Variants in RUFY2 observed in about 807,000 individuals in gnomAD.
RUFY2 encodes RUN and FYVE domain containing 2.
Under a neutral mutation model 94.4 loss-of-function variants are expected in RUFY2, and 49 were observed. The observed-to-expected ratio is 0.52, with a 90% CI of 0.41 to 0.66. RUFY2 has a LOEUF of 0.66. Ranked by LOEUF, RUFY2 falls within the 30% of genes least tolerant of loss-of-function variation. The pLI, the probability that RUFY2 is intolerant of heterozygous loss-of-function variation, is 0.00. For missense variants in RUFY2, 541 were observed against 692.8 expected (o/e 0.78, Z 2.46); for synonymous variants, 255 against 235.7 (o/e 1.08, Z -0.75).
intron 16 of RUFY2, among the ~76,000 whole-genome samples, chr10:68,347,684 A>G (rs2046382522): frequency 6.6e-6 from 1 of 152,166 alleles, no homozygotes; most frequent in African/African-American, 2.4e-5. Flanking sequence ...CAGTTTCACA[A>G]TGAGAAGACC....
chr10:68,376,711 A>AT, intron 13 of RUFY2, 142 bp downstream of exon 13: 1 of 707,364 alleles, frequency 1.4e-6, no homozygotes, highest in Non-Finnish European at 2.4e-6. Context: ...TATTTTCTAA[A>AT]TTTTTTTGTT....
At chr10:68,359,789 CAA>C (rs1263922397) in intron 15 of RUFY2, among the ~76,000 whole-genome samples, 2 of 122,110 alleles carry the variant, frequency 1.6e-5, no homozygotes. Context: ...AACTCCGTCT[CAA>C]AAAAAAAAAA....
chr10:68,346,962 CA>C (rs2046318579), intron 16 of RUFY2, among the ~76,000 whole-genome samples: 1 of 151,944 alleles, frequency 6.6e-6, no homozygotes, highest in Non-Finnish European at 1.5e-5. Context: ...TCCATCTTTA[CA>C]AAAAAATTAA....
intron 10 of RUFY2, among the ~76,000 whole-genome samples, chr10:68,382,012 T>C (rs767255406): frequency 2.6e-5 from 4 of 152,084 alleles, no homozygotes; most frequent in South Asian, 2.1e-4. Flanking sequence ...AGTCTGTACA[T>C]GTAAAGGCCA....
chr10:68,404,778 C>A lies in RUFY2; in HGVS notation c.71G>T (p.Gly24Val). ...LLNMAKLSIK[G>V]LIESALSFGR... ...AAAGCTCAGAGCAGATTCAATGAGTCCTTTGATACTCAGTTTAGCCATGTT... is the reference window on the plus strand; with the variant it reads ...AAAGCTCAGAGCAGATTCAATGAGTACTTTGATACTCAGTTTAGCCATGTT... Residue 24 changes from glycine (G) to valine (V), a missense_variant, in exon 2 of 18, where the codon GGA (glycine) becomes GTA (valine). Physicochemically the swap from Gly to Val is moderately radical, Grantham distance 109 (BLOSUM62 -3). Coordinates refer to ENST00000602465, the MANE Select transcript of RUFY2 (RefSeq NM_001330103.2). 2 of 1,613,212 alleles carry A rather than the reference C, an allele frequency of 1.2e-6. No homozygotes were observed. The highest frequency in any genetic ancestry group is 1.7e-6 in the Non-Finnish European group (2 of 1,179,576).
intron 3 of RUFY2, 71 bp downstream of exon 3, chr10:68,401,549 T>C: frequency 1.1e-6 from 1 of 877,906 alleles, no homozygotes. Flanking sequence ...TAAGCTAGAG[T>C]GTGAGGTACT....
intron 13 of RUFY2, among the ~76,000 whole-genome samples, chr10:68,372,323 C>T (rs1415146078): frequency 6.6e-6 from 1 of 152,022 alleles, no homozygotes; most frequent in Admixed American, 6.6e-5. Context: ...TCCCTTGAGC[C>T]CATGAGTTCA....
intron 15 of RUFY2, among the ~76,000 whole-genome samples, chr10:68,359,380 G>A (rs1203120182): frequency 6.7e-6 from 1 of 148,716 alleles, no homozygotes; most frequent in Non-Finnish European, 1.5e-5. Flanking sequence ...GTATATATGT[G>A]TGTATATATA....
intron 16 of RUFY2, among the ~76,000 whole-genome samples, chr10:68,351,771 A>C (rs1343282010): frequency 6.8e-6 from 1 of 147,638 alleles, no homozygotes; most frequent in South Asian, 2.3e-4. Context: ...AAGTATGAGG[A>C]TACGGCCTGG....
chr10:68,364,066 G>C lies in RUFY2; in HGVS notation c.1373C>G (p.Thr458Ser). 8 of 1,613,146 alleles carry C rather than the reference G, an allele frequency of 5.0e-6. No homozygotes were observed. The highest frequency in any genetic ancestry group is 6.8e-6 in the Non-Finnish European group (8 of 1,179,410). Reference sequence around the variant, plus strand: ...CTCCTTTTGAAGATCTTCCTGCAAAGTCTGCCTCCATTCCTTCTCAATCTT... The same window carrying C: ...CTCCTTTTGAAGATCTTCCTGCAAACTCTGCCTCCATTCCTTCTCAATCTT... ...DLKIEKEWRQ[T>S]LQEDLQKEKD... The change falls in exon 14 of 18, where the codon ACT becomes AGT. Residue 458 changes from threonine (T) to serine (S), a missense_variant. Coordinates refer to ENST00000602465, the MANE Select transcript of RUFY2 (RefSeq NM_001330103.2).
chr10:68,390,926 C>T (rs2049930822), intron 7 of RUFY2, among the ~76,000 whole-genome samples: 1 of 151,236 alleles, frequency 6.6e-6, no homozygotes, highest in East Asian at 2.0e-4. Context: ...GCCATCACAC[C>T]TGGCCTAATT....
At chr10:68,392,029 C>CT (rs139099039) in intron 7 of RUFY2, among the ~76,000 whole-genome samples, 13,559 of 144,660 alleles carry the variant, frequency 0.094, 874 homozygotes, top group South Asian at 0.24. Flanking sequence ...TCTTTCTTTT[C>CT]TTTTTTTTTT....
intron 13 of RUFY2, among the ~76,000 whole-genome samples, chr10:68,368,375 A>G (rs12784159): frequency 1.3e-5 from 2 of 152,062 alleles, no homozygotes; most frequent in Non-Finnish European, 2.9e-5. Context: ...TTAATTTCTC[A>G]AATTACAGGT....
At chr10:68,382,085 G>T in intron 10 of RUFY2, among the ~76,000 whole-genome samples, 1 of 143,654 alleles carries the variant, frequency 7.0e-6, no homozygotes. Flanking sequence ...GTCTCGCTCT[G>T]TTGCCCAGGC....
intron 7 of RUFY2, 61 bp from the exon 8 acceptor site, chr10:68,386,189 AAT>A (rs1255338174): frequency 7.4e-7 from 1 of 1,352,698 alleles, no homozygotes; most frequent in Admixed American, 1.8e-5. Flanking sequence ...GGCACGAAAA[AAT>A]ATGTTATCCT....
chr10:68,369,363 T>C (rs909744070), intron 13 of RUFY2, among the ~76,000 whole-genome samples: 17 of 151,812 alleles, frequency 1.1e-4, no homozygotes, highest in African/African-American at 3.9e-4. Flanking sequence ...TGTGTGCCTA[T>C]AGTCCCAGCT....
In RUFY2 at chr10:68,343,777, C is replaced by A. The variant is rs1402090113; in HGVS notation, c.*1991G>T. The A allele has an allele frequency of 1.9e-5, 2 of 104,902 alleles. No homozygotes were observed. Among genetic ancestry groups the A allele is most frequent in the Admixed American group, 1.1e-4 (1 of 9,202 alleles). The allele number at this position is 104,902 out of a possible 1,614,324, so 6.5% of individuals were successfully genotyped here. ...ATAGTTTTTAAATAAGCCAAAACTA[C>A]ATGGAGCAAGTTGCTGTCATAAAAG... On this transcript the variant is annotated 3_prime_UTR_variant, in exon 18 of 18. Transcript: ENST00000602465.
chr10:68,384,299 AACACGCT>A (rs2049314013), intron 8 of RUFY2, 147 bp from the exon 9 acceptor site: 8 of 1,063,974 alleles, frequency 7.5e-6, no homozygotes, highest in Non-Finnish European at 1.0e-5. Flanking sequence ...TCATAAGGAA[AACACGCT>A]CGTTATTATC....
intron 13 of RUFY2, among the ~76,000 whole-genome samples, chr10:68,375,755 G>A (rs549045154): frequency 4.7e-5 from 7 of 148,732 alleles, no homozygotes; most frequent in Non-Finnish European, 7.4e-5. Flanking sequence ...CAGCCCAGGC[G>A]ATAGAGCGAG....
Sources: allele counts gnomAD v4.1 joint callset (sites outside exome capture counted in the v4.1 genomes callset), GRCh38; gene constraint gnomAD v4.1.1; transcripts MANE v1.5; gene names NCBI Gene and HGNC (gene_info 2026-07-23, HGNC 2026-07-21).